Variants in CCDC171 observed in about 807,000 individuals in gnomAD.
The protein encoded by CCDC171 is coiled-coil domain-containing protein 171.
Under a neutral mutation model 168.2 loss-of-function variants are expected in CCDC171, and 177 were observed. The ratio of observed to expected loss-of-function variants is 1.05; its 90% confidence interval spans 0.93 to 1.19. The LOEUF (loss-of-function observed/expected upper bound fraction) is 1.19, where lower values mean the gene tolerates loss of function less well. Among genes scored for constraint, CCDC171 ranks in the 50% most tolerant of loss-of-function variants. The probability of loss-of-function intolerance (pLI) is 0.00; values close to 1 mark genes in which losing one functional copy is unlikely to be tolerated. For synonymous variants in CCDC171, 687 were observed against 540.8 expected (o/e 1.27, Z -3.75); for missense variants, 1,991 against 1,539.0 (o/e 1.29, Z -4.91).
Position 15,805,236 on chromosome 9 carries a change from A to G in CCDC171, c.3267+20542A>G, listed in dbSNP as rs1439640367. On this transcript the variant is annotated intron_variant, in intron 21 of 25. Transcript: ENST00000380701. Reference sequence around the variant, plus strand: ...CTTTTGAATGGTTTTTCCTGTCTCTATCTCCTTCAGTTAAACTCTGATCTT... The same window carrying G: ...CTTTTGAATGGTTTTTCCTGTCTCTGTCTCCTTCAGTTAAACTCTGATCTT... 7.9e-5 allele frequency among the ~76,000 whole-genome samples: 12 copies of G among 151,902 alleles called. 1 individual carries two copies. Among genetic ancestry groups the G allele is most frequent in the African/African-American group, 2.7e-4 (11 of 41,454 alleles).
intron 7 of CCDC171, among the ~76,000 whole-genome samples, chr9:15,638,931 A>C (rs1331411266): frequency 1.3e-5 from 2 of 152,068 alleles, no homozygotes; most frequent in Non-Finnish European, 2.9e-5. Context: ...ATAAGAAAAG[A>C]GAAAAGAGAA....
chr9:15,968,808 G>C (rs574406968), intron 25 of CCDC171, among the ~76,000 whole-genome samples: 1 of 152,166 alleles, frequency 6.6e-6, no homozygotes, highest in East Asian at 1.9e-4. Flanking sequence ...CAAAGTGCTG[G>C]GATTACAAGT....
chr9:15,671,657 C>A (rs984803760), intron 9 of CCDC171, among the ~76,000 whole-genome samples: 1 of 151,190 alleles, frequency 6.6e-6, no homozygotes, highest in African/African-American at 2.4e-5. Flanking sequence ...TGGTTTCCAG[C>A]TTCATCCATG....
Position 15,572,957 on chromosome 9 carries a change from G to C in CCDC171, c.177+1198G>C, listed in dbSNP as rs182477376. On this transcript the variant is annotated intron_variant, in intron 3 of 25. Transcript: ENST00000380701. ...GTGGATCACTTGAAGTCAGGAGTTC[G>C]AGATCAGCCTGGCCAACATGGTGAA... Among the ~76,000 whole-genome samples the C allele has an allele frequency of 2.7e-4, 41 of 152,262 alleles. No individual in the cohort carries two copies. The South Asian group carries it at 5.4e-3, about 20-fold the overall frequency.
intron 8 of CCDC171, among the ~76,000 whole-genome samples, chr9:15,665,604 G>T (rs4740622): frequency 1.3e-5 from 2 of 151,822 alleles, no homozygotes; most frequent in Admixed American, 6.6e-5. Flanking sequence ...AAGATAGCAA[G>T]GCCCTATCTC....
At chr9:15,924,475 C>A (rs1825683638) in intron 25 of CCDC171, among the ~76,000 whole-genome samples, 1 of 150,286 alleles carries the variant, frequency 6.7e-6, no homozygotes, top group African/African-American at 2.4e-5. Flanking sequence ...ATTCTGATAA[C>A]CATTATCTTG....
intron 11 of CCDC171, among the ~76,000 whole-genome samples, chr9:15,713,763 T>G (rs938530645): frequency 6.6e-6 from 1 of 152,012 alleles, no homozygotes; most frequent in East Asian, 1.9e-4. Flanking sequence ...GTTGCTACTT[T>G]CTGTTCATCA....
chr9:15,925,331 C>T (rs367967054), intron 25 of CCDC171, among the ~76,000 whole-genome samples: 1 of 151,394 alleles, frequency 6.6e-6, no homozygotes, highest in South Asian at 2.1e-4. Flanking sequence ...GAACAGTGAT[C>T]TAGATCAGGA....
chr9:15,988,051 T>G (rs1832053055), intron 3 of CCDC171, among the ~76,000 whole-genome samples: 1 of 152,100 alleles, frequency 6.6e-6, no homozygotes, highest in South Asian at 2.1e-4. Flanking sequence ...AATCCTTTTG[T>G]TATACTTATT....
At chr9:15,560,022 T>G (rs1482728522) in intron 1 of CCDC171, among the ~76,000 whole-genome samples, 1 of 152,180 alleles carries the variant, frequency 6.6e-6, no homozygotes, top group African/African-American at 2.4e-5. Flanking sequence ...AAATTCTGGG[T>G]TGAAAATTCT....
At chr9:15,918,176 T>C (rs1299484764) in intron 24 of CCDC171, among the ~76,000 whole-genome samples, 1 of 151,424 alleles carries the variant, frequency 6.6e-6, no homozygotes, top group Non-Finnish European at 1.5e-5. Context: ...AAAACTAGAT[T>C]AAAAAAAGTA....
chr9:15,925,566 A>G (rs1398576556), intron 25 of CCDC171, among the ~76,000 whole-genome samples: 1 of 151,634 alleles, frequency 6.6e-6, no homozygotes, highest in Non-Finnish European at 1.5e-5. Context: ...AAAAAAGATC[A>G]CTTTGGCTAC....
At chr9:15,590,765 T>TTTTC (rs2041920519) in intron 4 of CCDC171, among the ~76,000 whole-genome samples, 1 of 114,528 alleles carries the variant, frequency 8.7e-6, no homozygotes, top group Non-Finnish European at 1.9e-5. Flanking sequence ...TCTTCTTTCT[T>TTTTC]TCTTTCTCTT....
chr9:15,966,298 G>T (rs966355298), intron 25 of CCDC171, among the ~76,000 whole-genome samples: 2 of 152,178 alleles, frequency 1.3e-5, no homozygotes, highest in African/African-American at 4.8e-5. Flanking sequence ...ACAAAGAGCA[G>T]AATTGGACAG....
intron 21 of CCDC171, among the ~76,000 whole-genome samples, chr9:15,789,536 T>A (rs2058139524): frequency 6.6e-6 from 1 of 152,192 alleles, no homozygotes; most frequent in Non-Finnish European, 1.5e-5. Context: ...CCTAATCTAG[T>A]TCCTTCAGAA....
rs776771720 is a variant in CCDC171, at chr9:15,777,629, C to G, written c.2701C>G (p.Leu901Val). 1 of 1,610,546 alleles carries G rather than the reference C, an allele frequency of 6.2e-7. No individual in the cohort carries two copies. The highest frequency in any genetic ancestry group is 1.7e-5 in the Admixed American group (1 of 59,166). ...AAATTCCAGAATTTGTGGACATTTA[C>G]TCATAGGTGCAGCCAAGAATTCTTT... The part of the protein sequence containing the change: ...DPNSRICGHL[L>V]IGAAKNSFAK... Residue 901 changes from leucine (L) to valine (V), a missense_variant, in exon 19 of 26, where the codon CTC (leucine) becomes GTC (valine). Physicochemically the swap from Leu to Val is conservative, Grantham distance 32 (BLOSUM62 1). Transcript: ENST00000380701.
At chr9:15,687,585 G>A (rs574044243) in intron 10 of CCDC171, among the ~76,000 whole-genome samples, 2 of 152,238 alleles carry the variant, frequency 1.3e-5, no homozygotes, top group East Asian at 3.9e-4. Flanking sequence ...GAGGAAATCA[G>A]TGAAACCAAA....
rs79217038 is a variant in CCDC171, at chr9:15,578,865, G to A, written c.194G>A (p.Ser65Asn). ...KHNAELASYESQIAKLRSEVE... is the reference protein window; with the variant it reads ...KHNAELASYENQIAKLRSEVE... ...TGTTTTTAGCTGGCAAGCTATGAGA[G>A]CCAGATTGCCAAGCTACGGTCCGAG... Residue 65 changes from serine (S) to asparagine (N), a missense_variant, in exon 4 of 26, where the codon AGC becomes AAC. Coordinates refer to ENST00000380701, the MANE Select transcript of CCDC171 (RefSeq NM_173550.4). 8.2e-3 allele frequency: 13,175 copies of A among 1,613,186 alleles called. 83 individuals carry two copies. The highest frequency in any genetic ancestry group is 0.01 in the Non-Finnish European group (11,900 of 1,179,540).
intron 6 of CCDC171, among the ~76,000 whole-genome samples, chr9:15,615,240 A>G (rs991487798): frequency 1.3e-5 from 2 of 152,188 alleles, no homozygotes; most frequent in Non-Finnish European, 2.9e-5. Context: ...ATTCTAACTC[A>G]ATGTAGTCAG....
Sources: allele counts gnomAD v4.1 joint callset (sites outside exome capture counted in the v4.1 genomes callset), GRCh38; gene constraint gnomAD v4.1.1; transcripts MANE v1.5; gene names NCBI Gene and HGNC (gene_info 2026-07-23, HGNC 2026-07-21).